The following AIG1 variants were observed in gnomAD, a reference collection of about 807,000 sequenced individuals.
AIG1 encodes androgen induced 1, also known as androgen-induced gene 1 protein.
A neutral mutation model predicts 31.4 loss-of-function variants in AIG1; 23 were observed. That is an observed-to-expected ratio of 0.73 (90% CI 0.53 to 1.04). AIG1 has a LOEUF of 1.04. Ranked by LOEUF, AIG1 falls within the 50% of genes least tolerant of loss-of-function variation. The probability of loss-of-function intolerance (pLI) is 0.00; values close to 1 mark genes in which losing one functional copy is unlikely to be tolerated. For synonymous variants in AIG1, 100 were observed against 110.5 expected (o/e 0.90, Z 0.60); for missense variants, 274 against 295.0 (o/e 0.93, Z 0.52).
intron 3 of AIG1, among the ~76,000 whole-genome samples, chr6:143,247,834 C>T (rs1015102409): frequency 1.3e-5 from 2 of 152,204 alleles, no homozygotes; most frequent in Non-Finnish European, 2.9e-5. Flanking sequence ...CTGCTGAAAT[C>T]AGACTGACTG....
intron 4 of AIG1, among the ~76,000 whole-genome samples, chr6:143,318,286 C>G (rs1431138313): frequency 6.6e-6 from 1 of 152,074 alleles, no homozygotes; most frequent in Non-Finnish European, 1.5e-5. Context: ...AAAATAGGCA[C>G]ATAGACCAAT....
chr6:143,107,417 C>T (rs1780900034), intron 1 of AIG1, among the ~76,000 whole-genome samples: 1 of 152,172 alleles, frequency 6.6e-6, no homozygotes, highest in Non-Finnish European at 1.5e-5. Context: ...ATGCAGACAT[C>T]TGTCTTCTAG....
At chr6:143,315,613 C>T (rs1775678728) in intron 4 of AIG1, among the ~76,000 whole-genome samples, 1 of 152,144 alleles carries the variant, frequency 6.6e-6, no homozygotes, top group South Asian at 2.1e-4. Context: ...AATTGGAAGT[C>T]CATATGGTAA....
intron 3 of AIG1, among the ~76,000 whole-genome samples, chr6:143,175,379 A>C: frequency 6.6e-6 from 1 of 152,210 alleles, no homozygotes; most frequent in Admixed American, 6.5e-5. Flanking sequence ...GTTTTGCTCG[A>C]TTATTTCCTC....
chr6:143,243,076 G>A (rs59692079), intron 3 of AIG1, among the ~76,000 whole-genome samples: 1,798 of 152,202 alleles, frequency 0.012, 23 homozygotes, highest in African/African-American at 0.041. Context: ...GCTGGTTCCT[G>A]AGATCAGGCT....
chr6:143,192,642 A>C (rs138705288), intron 3 of AIG1, among the ~76,000 whole-genome samples: 123 of 152,018 alleles, frequency 8.1e-4, no homozygotes, highest in Middle Eastern at 6.8e-3. Flanking sequence ...TTTTCCTGTA[A>C]CCAGTATCAA....
chr6:143,090,639 A>G (rs1431201093), intron 1 of AIG1, among the ~76,000 whole-genome samples: 1 of 152,250 alleles, frequency 6.6e-6, no homozygotes, highest in South Asian at 2.1e-4. Flanking sequence ...GTGCAATGCC[A>G]TTATGTCTAA....
intron 1 of AIG1, among the ~76,000 whole-genome samples, chr6:143,114,832 C>T (rs1273104888): frequency 6.6e-6 from 1 of 152,142 alleles, no homozygotes; most frequent in Non-Finnish European, 1.5e-5. Context: ...ATGTAATATG[C>T]TTTTCTGTGC....
intron 3 of AIG1, among the ~76,000 whole-genome samples, chr6:143,185,708 C>G (rs1789195964): frequency 6.6e-6 from 1 of 152,032 alleles, no homozygotes; most frequent in Non-Finnish European, 1.5e-5. Context: ...TCTTAGCATC[C>G]TCTGCATATT....
At chr6:143,246,277 A>C (rs959989584) in intron 3 of AIG1, among the ~76,000 whole-genome samples, 1 of 152,200 alleles carries the variant, frequency 6.6e-6, no homozygotes, top group Non-Finnish European at 1.5e-5. Flanking sequence ...TTTACAAAAA[A>C]AAAAAAGAGG....
rs1776501692 is a variant in AIG1 at position 143,325,139 on chromosome 6, A to G, written c.516-8143A>G. 6.6e-6 allele frequency among the ~76,000 whole-genome samples: 1 copy of G among 152,226 alleles called. No individual in the cohort carries two copies. Among genetic ancestry groups the G allele is most frequent in the Non-Finnish European group, 1.5e-5 (1 of 68,032 alleles). On this transcript the variant is annotated intron_variant, in intron 4 of 5. Transcript: ENST00000357847. This position sits in a 1 kb window ranked among gnomAD's most constrained non-coding sequence, Gnocchi z 4.3. Reference sequence around the variant, plus strand: ...TTCTCTATGAAGACCCTGTGCTAATAGATGCTGTCTACCTTTGAACCACTT... The same window carrying G: ...TTCTCTATGAAGACCCTGTGCTAATGGATGCTGTCTACCTTTGAACCACTT...
chr6:143,198,126 G>C (rs188056985), intron 3 of AIG1, among the ~76,000 whole-genome samples: 20 of 152,218 alleles, frequency 1.3e-4, no homozygotes, highest in Admixed American at 2.6e-4. Flanking sequence ...AATCTTTTCT[G>C]GATACTTCTG....
chr6:143,224,578 T>C (rs1792790977), intron 3 of AIG1, among the ~76,000 whole-genome samples: 2 of 152,236 alleles, frequency 1.3e-5, no homozygotes, highest in Admixed American at 1.3e-4. Flanking sequence ...AATGTGGCTA[T>C]TGTTAATAAT....
rs569846416 is a variant in AIG1 at position 143,135,942 on chromosome 6, A to G, written c.142-893A>G. On this transcript the variant is annotated intron_variant, in intron 1 of 5. Transcript: ENST00000357847. ...GCTAATTGGGTATGACTTTGTGTGCAGGGGATACATTTTCTGCCCTTTCCA... is the reference window on the plus strand; with the variant it reads ...GCTAATTGGGTATGACTTTGTGTGCGGGGGATACATTTTCTGCCCTTTCCA... Among the ~76,000 whole-genome samples, 23 of 152,328 alleles carry G rather than the reference A, an allele frequency of 1.5e-4. 1 individual carries two copies. The South Asian group carries it at 4.3e-3, about 29-fold the overall frequency.
intron 3 of AIG1, among the ~76,000 whole-genome samples, chr6:143,257,193 A>G (rs2128653922): frequency 6.6e-6 from 1 of 152,348 alleles, no homozygotes; most frequent in South Asian, 2.1e-4. Context: ...GATGGCTTTC[A>G]TGGAGCACTC....
intron 3 of AIG1, among the ~76,000 whole-genome samples, chr6:143,196,105 T>C (rs928674209): frequency 2.6e-5 from 4 of 152,196 alleles, no homozygotes; most frequent in Non-Finnish European, 5.9e-5. Context: ...TTTTCCCAGC[T>C]TCATGATAAT....
At position 143,293,442 on chromosome 6, in the gene AIG1, G is replaced by A. The variant is rs867387136; in HGVS notation, c.515+9217G>A. On this transcript the variant is annotated intron_variant, in intron 4 of 5. Transcript: ENST00000357847. The surrounding 1 kb of genome is among the most constrained non-coding windows in gnomAD (Gnocchi z 4.8). The stretch of plus-strand genomic sequence containing the variant: ...CAATCTGCGTATTTTTACAAGCACT[G>A]TGCTGAGAATGCACTATTTTCTCAT... Among the ~76,000 whole-genome samples, 4 of 152,134 alleles carry A rather than the reference G, an allele frequency of 2.6e-5. No homozygotes were observed. Among genetic ancestry groups the A allele is most frequent in the Non-Finnish European group, 2.9e-5 (2 of 68,026 alleles).
At chr6:143,217,397 C>A (rs1348830898) in intron 3 of AIG1, among the ~76,000 whole-genome samples, 3 of 152,224 alleles carry the variant, frequency 2.0e-5, no homozygotes, top group African/African-American at 7.2e-5. Flanking sequence ...TAGTACACCC[C>A]ACTCATGGTA....
intron 3 of AIG1, among the ~76,000 whole-genome samples, chr6:143,182,184 C>T (rs1252709790): frequency 6.6e-6 from 1 of 152,116 alleles, no homozygotes; most frequent in East Asian, 1.9e-4. Flanking sequence ...CCCCACCATG[C>T]ATGGCTAATT....
Sources: allele counts gnomAD v4.1 joint callset (sites outside exome capture counted in the v4.1 genomes callset), GRCh38; gene constraint gnomAD v4.1.1; non-coding constraint Gnocchi (gnomAD v3.1); transcripts MANE v1.5; gene names NCBI Gene and HGNC (gene_info 2026-07-23, HGNC 2026-07-21).